Variants in PIKFYVE observed in about 807,000 individuals in gnomAD.
The protein encoded by PIKFYVE is 1-phosphatidylinositol 3-phosphate 5-kinase.
PIKFYVE carries 122 observed loss-of-function variants against 257.9 expected under a neutral mutation model. The observed-to-expected ratio is 0.47, with a 90% confidence interval of 0.41 to 0.55. The LOEUF (loss-of-function observed/expected upper bound fraction) is 0.55. PIKFYVE is among the 20% of genes least tolerant of loss of function. The probability of loss-of-function intolerance (pLI) is 0.00; values close to 1 mark genes in which losing one functional copy is unlikely to be tolerated. For missense variants in PIKFYVE, 2,160 were observed against 2,536.6 expected, an observed-to-expected ratio of 0.85 and a Z score of 3.19; for synonymous variants, 892 against 868.9, an observed-to-expected ratio of 1.03 and a Z score of -0.47.
intron 5 of PIKFYVE, among the ~76,000 whole-genome samples, chr2:208,284,244 A>C (rs1392023722): frequency 6.6e-6 from 1 of 151,814 alleles, no homozygotes. Context: ...TCCTCTCAAG[A>C]ATATTTCATT....
In PIKFYVE at chr2:208,325,795, A is replaced by T. The variant is rs893254; in HGVS notation, c.2984A>T (p.Gln995Leu). Reference sequence around the variant, plus strand: ...CAACAAGATGCTTTAGGCAGCGAGCAGCCAGAGACTTTGCAGCAAACAGTT... The same window carrying T: ...CAACAAGATGCTTTAGGCAGCGAGCTGCCAGAGACTTTGCAGCAAACAGTT... ...DDQQDALGSE[Q>L]PETLQQTVVL... The change falls in exon 20 of 42, where the codon CAG (glutamine) becomes CTG (leucine). Residue 995 changes from glutamine to leucine, a missense_variant. Physicochemically the swap from Gln to Leu is moderately radical, Grantham distance 113 (BLOSUM62 -2). Coordinates refer to ENST00000264380, the MANE Select transcript of PIKFYVE (RefSeq NM_015040.4). 1,568,397 of 1,613,742 alleles carry T rather than the reference A, an allele frequency of 0.97. 763,631 individuals are homozygous for T. The highest frequency in any genetic ancestry group is 0.98 in the Non-Finnish European group (1,160,899 of 1,179,934).
intron 35 of PIKFYVE, 122 bp from the exon 36 acceptor site, chr2:208,349,902 A>T (rs895758287): frequency 2.0e-5 from 28 of 1,406,770 alleles, no homozygotes; most frequent in Non-Finnish European, 2.7e-5. Context: ...TAGTGACTTG[A>T]GTAGGATATT....
chr2:208,310,671 C>G (rs1694841854), intron 12 of PIKFYVE, among the ~76,000 whole-genome samples: 1 of 152,088 alleles, frequency 6.6e-6, no homozygotes, highest in Admixed American at 6.6e-5. Context: ...ATGGATTGTA[C>G]TCCGAATGTG....
chr2:208,280,517 A>T (rs774412574), intron 5 of PIKFYVE, among the ~76,000 whole-genome samples: 1 of 152,192 alleles, frequency 6.6e-6, no homozygotes, highest in Non-Finnish European at 1.5e-5. Flanking sequence ...CCTGACAAAT[A>T]TGATCATTTC....
Position 208,276,816 on chromosome 2 carries a change from G to C in PIKFYVE, c.427G>C (p.Glu143Gln), listed in dbSNP as rs749275047. The C allele has an allele frequency of 6.2e-7, 1 of 1,613,044 alleles. No homozygotes were observed. Among genetic ancestry groups the C allele is most frequent in the Non-Finnish European group, 8.5e-7 (1 of 1,179,110 alleles). Residue 143 changes from glutamate to glutamine, a missense_variant, in exon 4 of 42, where the codon GAG (glutamate) becomes CAG (glutamine). Glu to Gln is a conservative substitution (Grantham distance 29). Coordinates refer to ENST00000264380, the MANE Select transcript of PIKFYVE (RefSeq NM_015040.4). The stretch of plus-strand genomic sequence containing the variant: ...ATTAAAACGCCTCAAGGAAATCATG[G>C]AGGGGAAAAGCCAGGTACTGTCTAG... ...TVLKRLKEIM[E>Q]GKSQDSDLKQ... is the part of the protein sequence containing the mutation.
Position 208,288,725 on chromosome 2 carries a change from A to G in PIKFYVE, c.822-4A>G. 6.2e-7 allele frequency: 1 copy of G among 1,613,878 alleles called. No homozygotes were observed. The highest frequency in any genetic ancestry group is 2.2e-5 in the East Asian group (1 of 44,834). On this transcript the variant is annotated splice_region_variant and splice_polypyrimidine_tract_variant and intron_variant, in intron 6 of 41. Transcript: ENST00000264380. ...ATTTCAGTATTTTCCTATTTTCTTTATAGTTTGATTCATCCAGATTCCTCA... is the reference window on the plus strand; with the variant it reads ...ATTTCAGTATTTTCCTATTTTCTTTGTAGTTTGATTCATCCAGATTCCTCA...
At position 208,325,680 on chromosome 2, in the gene PIKFYVE, G is replaced by A; in HGVS notation, c.2869G>A (p.Glu957Lys). Reference sequence around the variant, plus strand: ...GGCTGTTGCCTCTGTGAAGCATCAAGAACATAGCACAACAGCTTGCCCGGC... The same window carrying A: ...GGCTGTTGCCTCTGTGAAGCATCAAAAACATAGCACAACAGCTTGCCCGGC... ...PQAVASVKHQ[E>K]HSTTACPAGL... The change falls in exon 20 of 42, where the codon GAA (glutamate) becomes AAA (lysine). Residue 957 changes from glutamate (E) to lysine (K), a missense_variant. Glu to Lys is a moderately conservative substitution (Grantham distance 56). This residue lies in a region of PIKFYVE where 522 missense variants were observed against 514.6 expected (regional missense o/e 1.01). Coordinates refer to ENST00000264380, the MANE Select transcript of PIKFYVE (RefSeq NM_015040.4). 1 of 1,614,124 alleles carries A rather than the reference G, an allele frequency of 6.2e-7. No individual in the cohort carries two copies. The highest frequency in any genetic ancestry group is 8.5e-7 in the Non-Finnish European group (1 of 1,180,026).
chr2:208,305,305 G>T, intron 12 of PIKFYVE: 1 of 1,270,174 alleles, frequency 7.9e-7, no homozygotes, highest in Non-Finnish European at 1.0e-6. Flanking sequence ...CTTCCAAGGT[G>T]GCATTTCTTT....
intron 7 of PIKFYVE, among the ~76,000 whole-genome samples, chr2:208,290,497 C>T (rs1263923656): frequency 6.6e-6 from 1 of 152,208 alleles, no homozygotes. Flanking sequence ...GCTGGATACA[C>T]TATAGTTTAT....
chr2:208,345,005 G>A (rs191233596), intron 32 of PIKFYVE, 106 bp from the exon 33 acceptor site: 11 of 783,190 alleles, frequency 1.4e-5, no homozygotes, highest in African/African-American at 6.9e-5. Context: ...TTATGGAAAC[G>A]TATAATGATT....
intron 32 of PIKFYVE, among the ~76,000 whole-genome samples, chr2:208,344,823 G>A (rs1699079312): frequency 6.6e-6 from 1 of 151,922 alleles, no homozygotes; most frequent in Admixed American, 6.6e-5. Context: ...TTCAATCCCT[G>A]AAGTCATTTG....
chr2:208,338,111 A>G (rs955097866), intron 28 of PIKFYVE, among the ~76,000 whole-genome samples: 2 of 152,170 alleles, frequency 1.3e-5, no homozygotes, highest in Non-Finnish European at 2.9e-5. Flanking sequence ...TCAACAGATT[A>G]CATGCAGAAG....
intron 13 of PIKFYVE, 66 bp downstream of exon 13, chr2:208,312,361 T>A: frequency 1.6e-6 from 2 of 1,257,344 alleles, no homozygotes; most frequent in Non-Finnish European, 2.3e-6. Context: ...ACTTAGGGCT[T>A]AGCACATTGA....
Position 208,266,297 on chromosome 2 carries a change from C to T in PIKFYVE, c.-128C>T, listed in dbSNP as rs1688613313. ...ATGTAAGCAGCTTCGCTTCCTGCCG[C>T]AACCGTCCGCGGCCTGAGGAGCCCA... On this transcript the variant is annotated 5_prime_UTR_variant, in exon 1 of 42. Transcript: ENST00000264380. 6.6e-6 allele frequency: 1 copy of T among 152,210 alleles called. No homozygotes were observed. Among genetic ancestry groups the T allele is most frequent in the Non-Finnish European group, 1.5e-5 (1 of 68,112 alleles). The allele number at this position is 152,210 out of a possible 1,614,324, so 9.4% of individuals were successfully genotyped here.
At chr2:208,346,930 G>A (rs1358423407) in intron 34 of PIKFYVE, among the ~76,000 whole-genome samples, 1 of 152,202 alleles carries the variant, frequency 6.6e-6, no homozygotes, top group Non-Finnish European at 1.5e-5. Context: ...CTTTCATTAG[G>A]AAAGCAGAGG....
intron 6 of PIKFYVE, among the ~76,000 whole-genome samples, chr2:208,286,678 G>A (rs1691615789): frequency 6.6e-6 from 1 of 151,586 alleles, no homozygotes; most frequent in Non-Finnish European, 1.5e-5. Context: ...ACACCACTGT[G>A]CTTGGCTGAT....
At chr2:208,343,114 A>G (rs1299665383) in intron 32 of PIKFYVE, among the ~76,000 whole-genome samples, 1 of 152,150 alleles carries the variant, frequency 6.6e-6, no homozygotes, top group Non-Finnish European at 1.5e-5. Flanking sequence ...TTTTGTGCAT[A>G]AAAATCTTCT....
chr2:208,288,163 G>A (rs1691831399), intron 6 of PIKFYVE, among the ~76,000 whole-genome samples: 1 of 152,154 alleles, frequency 6.6e-6, no homozygotes, highest in South Asian at 2.1e-4. Context: ...TAGAATGATT[G>A]TTAAATTTTA....
Position 208,326,231 on chromosome 2 carries a change from G to GC in PIKFYVE, c.3421dup (p.His1141ProfsTer5), listed in dbSNP as rs773674566. 1 of 1,592,714 alleles carries GC rather than the reference G, an allele frequency of 6.3e-7. No individual in the cohort carries two copies. Among genetic ancestry groups the GC allele is most frequent in the Admixed American group, 1.7e-5 (1 of 57,564 alleles). ...AGCTAGTGAGCACTAGAATTGCTGA[G>GC]CATCTGGGCGATAGCCAGAGCTTGG... On this transcript the variant is annotated frameshift_variant, in exon 20 of 42. Transcript: ENST00000264380. LOFTEE classifies it high-confidence loss of function.
Sources: allele counts gnomAD v4.1 joint callset (sites outside exome capture counted in the v4.1 genomes callset), GRCh38; gene constraint gnomAD v4.1.1; regional missense constraint gnomAD v4.1.1; transcripts MANE v1.5; gene names NCBI Gene and HGNC (gene_info 2026-07-23, HGNC 2026-07-21).